BFAR: variants seen among roughly 807,000 people sequenced by gnomAD.
BFAR encodes RING finger protein 47.
A neutral mutation model predicts 54.4 loss-of-function variants in BFAR; 52 were observed. The ratio of observed to expected loss-of-function variants is 0.96; its 90% CI spans 0.77 to 1.21. BFAR has a LOEUF of 1.21. Among genes scored for constraint, BFAR ranks in the 50% most tolerant of loss-of-function variants. The pLI, the probability that BFAR is intolerant of heterozygous loss-of-function variation, is 0.00. For missense variants in BFAR, 571 were observed against 534.0 expected, an observed-to-expected ratio of 1.07 and a Z score of -0.68; for synonymous variants, 215 against 204.3, an observed-to-expected ratio of 1.05 and a Z score of -0.45.
At chr16:14,654,425 A>C (rs1439981404) in intron 4 of BFAR, among the ~76,000 whole-genome samples, 1 of 151,886 alleles carries the variant, frequency 6.6e-6, no homozygotes, top group Non-Finnish European at 1.5e-5. Flanking sequence ...GAAAGATCAA[A>C]GGCTTAGGAA....
rs201683680 is a variant in BFAR at position 14,644,375 on chromosome 16, A to G, written c.29A>G (p.Asn10Ser). The G allele has an allele frequency of 1.2e-6, 2 of 1,614,010 alleles. No individual in the cohort carries two copies. The highest frequency in any genetic ancestry group is 1.3e-5 in the African/African-American group (1 of 75,018). Residue 10 changes from asparagine to serine, a missense_variant, in exon 2 of 8, where the codon AAC becomes AGC. By Grantham distance (46) the Asn-to-Ser change is conservative (BLOSUM62 1). Transcript: ENST00000261658. ...GAGGAACCTCAGAAAAGCTATGTGAACACAATGGACCTTGAGAGAGATGAA... is the reference window on the plus strand; with the variant it reads ...GAGGAACCTCAGAAAAGCTATGTGAGCACAATGGACCTTGAGAGAGATGAA... MEEPQKSYV[N>S]TMDLERDEPL...
chr16:14,654,674 T>C (rs1228531304), intron 4 of BFAR, among the ~76,000 whole-genome samples: 1 of 151,774 alleles, frequency 6.6e-6, no homozygotes, highest in Non-Finnish European at 1.5e-5. Context: ...TTTGTACTTT[T>C]AGTAGAGACG....
chr16:14,636,388 G>T (rs937235253), intron 1 of BFAR, among the ~76,000 whole-genome samples: 2 of 152,204 alleles, frequency 1.3e-5, no homozygotes, highest in Non-Finnish European at 2.9e-5. Context: ...AAGGTCAGCA[G>T]ATAAACATGT....
At chr16:14,654,335 TAC>T (rs1387301216) in intron 4 of BFAR, among the ~76,000 whole-genome samples, 1 of 151,832 alleles carries the variant, frequency 6.6e-6, no homozygotes, top group African/African-American at 2.4e-5. Context: ...TTCCTATACA[TAC>T]ACACAGTTTT....
rs1436996766 is a variant in BFAR at position 14,648,443 on chromosome 16, C to G, written c.319C>G (p.Gln107Glu). 1 of 1,613,652 alleles carries G rather than the reference C, an allele frequency of 6.2e-7. No homozygotes were observed. Among genetic ancestry groups the G allele is most frequent in the Non-Finnish European group, 8.5e-7 (1 of 1,179,744 alleles). ...CATTAGACTGAGATTTGAAGACATT[C>G]AGCAGAATAATGACATAGTCCAAAG... Reference protein sequence around the residue: ...DAIRLRFEDIQQNNDIVQSLA... With the variant: ...DAIRLRFEDIEQNNDIVQSLA... Residue 107 changes from glutamine to glutamate, a missense_variant, in exon 3 of 8, where the codon CAG becomes GAG. Gln to Glu is a conservative substitution (Grantham distance 29). Coordinates refer to ENST00000261658, the MANE Select transcript of BFAR (RefSeq NM_016561.3).
chr16:14,642,913 C>G (rs1332816441), intron 1 of BFAR, among the ~76,000 whole-genome samples: 2 of 152,216 alleles, frequency 1.3e-5, no homozygotes, highest in Non-Finnish European at 2.9e-5. Flanking sequence ...TAGTAGCTCA[C>G]ACCTGTAATC....
intron 2 of BFAR, among the ~76,000 whole-genome samples, chr16:14,646,584 C>T (rs1477159774): frequency 4.0e-5 from 6 of 151,824 alleles, no homozygotes; most frequent in African/African-American, 1.5e-4. Flanking sequence ...CTGCAACCTC[C>T]GCCTCCCAGG....
chr16:14,638,806 A>T (rs1402921523), intron 1 of BFAR, among the ~76,000 whole-genome samples: 1 of 152,080 alleles, frequency 6.6e-6, no homozygotes, highest in Non-Finnish European at 1.5e-5. Flanking sequence ...TTAGCCAGGC[A>T]TGGTGCTGGG....
intron 1 of BFAR, among the ~76,000 whole-genome samples, chr16:14,641,199 T>C (rs1959614951): frequency 6.6e-6 from 1 of 152,200 alleles, no homozygotes; most frequent in African/African-American, 2.4e-5. Context: ...TCCATATGAA[T>C]GGAGCACCAG....
rs772362657 is a variant in BFAR at position 14,667,821 on chromosome 16, G to T, written c.1347G>T (p.Val449=). 1 of 1,613,914 alleles carries T rather than the reference G, an allele frequency of 6.2e-7. No individual in the cohort carries two copies. Among genetic ancestry groups the T allele is most frequent in the East Asian group, 2.2e-5 (1 of 44,882 alleles). ...AACTCCGGCGGCTGGAAACCCAGGT[G>T]TTGTGACTGGCACTGCCCAGGCTGA... The part of the protein sequence containing the change: ...VKELRRLETQ[V]L Residue 449 remains valine, a synonymous_variant, in exon 8 of 8, where the codon GTG becomes GTT. Transcript: ENST00000261658.
At chr16:14,657,886 C>A (rs2151842521) in intron 5 of BFAR, among the ~76,000 whole-genome samples, 1 of 152,214 alleles carries the variant, frequency 6.6e-6, no homozygotes, top group African/African-American at 2.4e-5. Context: ...GCATTAATCT[C>A]TTAAAAAAAA....
intron 5 of BFAR, among the ~76,000 whole-genome samples, chr16:14,657,006 G>T (rs561349177): frequency 4.0e-5 from 6 of 151,636 alleles, no homozygotes; most frequent in African/African-American, 9.7e-5. Context: ...AGGAGGCTAC[G>T]GCAGGAGAAT....
In BFAR at chr16:14,667,881, T is replaced by G. The variant is rs1960489373; in HGVS notation, c.*54T>G. Reference sequence around the variant, plus strand: ...AGTCCCGCTGACGTCTGAGCTTTGATGCTTAAGAGGGGTGAGGCAGGGAGC... The same window carrying G: ...AGTCCCGCTGACGTCTGAGCTTTGAGGCTTAAGAGGGGTGAGGCAGGGAGC... On this transcript the variant is annotated 3_prime_UTR_variant, in exon 8 of 8. Transcript: ENST00000261658. 6.5e-7 allele frequency: 1 copy of G among 1,549,640 alleles called. No individual in the cohort carries two copies. The highest frequency in any genetic ancestry group is 1.7e-5 in the Admixed American group (1 of 57,588).
Position 14,668,113 on chromosome 16 carries a change from G to T in BFAR, c.*286G>T. The stretch of plus-strand genomic sequence containing the variant: ...GGACTAGGAGGCTCAGTCCCCAACG[G>T]CTGGCAAGACTCAGGGTCCTCAGTG... On this transcript the variant is annotated 3_prime_UTR_variant, in exon 8 of 8. Transcript: ENST00000261658. The T allele has an allele frequency of 2.3e-6, 1 of 434,054 alleles. No homozygotes were observed. Among genetic ancestry groups the T allele is most frequent in the Non-Finnish European group, 4.1e-6 (1 of 241,962 alleles). 26.9% of individuals were successfully genotyped at this position (434,054 alleles called of 1,614,324 possible).
intron 5 of BFAR, among the ~76,000 whole-genome samples, chr16:14,656,693 A>G (rs1267079281): frequency 6.6e-6 from 1 of 152,136 alleles, no homozygotes; most frequent in Non-Finnish European, 1.5e-5. Flanking sequence ...CATTGTTGGT[A>G]ATTGCAGGGA....
intron 7 of BFAR, 46 bp from the exon 8 acceptor site, chr16:14,667,589 G>T (rs747642269): frequency 6.4e-6 from 10 of 1,562,892 alleles, no homozygotes; most frequent in Non-Finnish European, 8.7e-6. Flanking sequence ...CCTGGGTGTG[G>T]TCATGAGAAG....
intron 3 of BFAR, among the ~76,000 whole-genome samples, chr16:14,649,067 G>GCCC: frequency 7.0e-6 from 1 of 143,138 alleles, no homozygotes; most frequent in Admixed American, 7.0e-5. Flanking sequence ...TACATCTCTT[G>GCCC]CTCTTTTTTT....
intron 2 of BFAR, among the ~76,000 whole-genome samples, chr16:14,647,536 C>T (rs1322189885): frequency 6.6e-6 from 1 of 151,988 alleles, no homozygotes; most frequent in Non-Finnish European, 1.5e-5. Flanking sequence ...CAAAAATTAG[C>T]CTGGTGTAAT....
chr16:14,654,865 A>G (rs1295940598), intron 4 of BFAR, among the ~76,000 whole-genome samples: 2 of 152,182 alleles, frequency 1.3e-5, no homozygotes, highest in African/African-American at 2.4e-5. Flanking sequence ...TGGATCAGTG[A>G]TGACTTATGA....
Sources: gnomAD v4.1 joint callset for allele counts (sites outside exome capture counted in the v4.1 genomes callset) on GRCh38, gnomAD v4.1.1 for gene constraint, MANE v1.5 for transcripts, NCBI Gene and HGNC (gene_info 2026-07-23, HGNC 2026-07-21) for gene names.